ZNF131: variants seen among roughly 807,000 people sequenced by gnomAD.
ZNF131 encodes zinc finger and BTB domain containing 35, also known as zinc finger protein 131.
Under a neutral mutation model 60.0 loss-of-function variants are expected in ZNF131, and 7 were observed. The ratio of observed to expected loss-of-function variants is 0.12; its 90% CI spans 0.07 to 0.22. ZNF131 has a LOEUF of 0.22. Among genes scored for constraint, ZNF131 ranks in the 10% least tolerant of loss-of-function variants. The probability of loss-of-function intolerance (pLI) is 1.00; values close to 1 mark genes in which losing one functional copy is unlikely to be tolerated. For synonymous variants in ZNF131, 257 were observed against 253.2 expected, an observed-to-expected ratio of 1.01 and a Z score of -0.14; for missense variants, 493 against 740.9, an observed-to-expected ratio of 0.67 and a Z score of 3.88.
intron 3 of ZNF131, among the ~76,000 whole-genome samples, chr5:43,138,375 T>C (rs1054747635): frequency 1.3e-5 from 2 of 152,046 alleles, no homozygotes; most frequent in South Asian, 2.1e-4. Context: ...CAAGTCAGGC[T>C]GGGTGCGGTG....
chr5:43,171,427 C>G (rs1192390663), intron 5 of ZNF131, among the ~76,000 whole-genome samples: 3 of 152,078 alleles, frequency 2.0e-5, no homozygotes, highest in Admixed American at 2.0e-4. Flanking sequence ...TTAAAGAATC[C>G]TGTTATTGGC....
intron 4 of ZNF131, among the ~76,000 whole-genome samples, chr5:43,144,098 A>AT (rs1747244593): frequency 6.7e-6 from 1 of 148,830 alleles, no homozygotes; most frequent in Non-Finnish European, 1.5e-5. Context: ...AATATTTTGT[A>AT]TTTTTAGTAG....
intron 4 of ZNF131, among the ~76,000 whole-genome samples, chr5:43,141,316 G>A (rs1470152948): frequency 1.3e-5 from 2 of 152,090 alleles, no homozygotes; most frequent in African/African-American, 4.8e-5. Context: ...AACCTGATCA[G>A]GCCATCTCTT....
intron 4 of ZNF131, among the ~76,000 whole-genome samples, chr5:43,148,549 CTG>C (rs1747908432): frequency 6.6e-6 from 1 of 152,166 alleles, no homozygotes; most frequent in South Asian, 2.1e-4. Flanking sequence ...CATATAGTCT[CTG>C]TTGCAATTAC....
At chr5:43,139,069 C>T in intron 3 of ZNF131, 96 bp from the exon 4 acceptor site, 1 of 1,077,856 alleles carries the variant, frequency 9.3e-7, no homozygotes, top group Non-Finnish European at 1.2e-6. Flanking sequence ...AATAAATACT[C>T]AACAAGCTCC....
rs540535531 is a variant in ZNF131 at position 43,165,333 on chromosome 5, T to C, written c.1054+3402T>C. On this transcript the variant is annotated intron_variant, in intron 5 of 6. Transcript: ENST00000682664. ...CTTTGGCTTGCAGATGGCTAACCTG[T>C]GTCCTTACATGGTTTTATCCTCTTT... Among the ~76,000 whole-genome samples, 16 of 140,914 alleles carry C rather than the reference T, an allele frequency of 1.1e-4. No individual in the cohort carries two copies. The East Asian group carries it at 3.5e-3, about 31-fold the overall frequency. 92.4% of individuals were successfully genotyped at this position (140,914 alleles called of 152,430 possible).
At chr5:43,137,780 A>G (rs923562118) in intron 3 of ZNF131, among the ~76,000 whole-genome samples, 9 of 152,334 alleles carry the variant, frequency 5.9e-5, no homozygotes, top group South Asian at 4.1e-4. Context: ...TAGCACTCCT[A>G]TGTTCATTGC....
chr5:43,144,253 T>C (rs1308876097), intron 4 of ZNF131, among the ~76,000 whole-genome samples: 8 of 127,754 alleles, frequency 6.3e-5, no homozygotes, highest in Admixed American at 4.7e-4. Context: ...TTTTTTTTTT[T>C]TTTTTTTTTT....
chr5:43,133,929 T>C (rs756393751), intron 3 of ZNF131, among the ~76,000 whole-genome samples: 2 of 152,076 alleles, frequency 1.3e-5, no homozygotes, highest in African/African-American at 4.8e-5. Context: ...ACCAGATGGG[T>C]TCATTGATTA....
chr5:43,124,263 C>T (rs1426026532), intron 3 of ZNF131: 1 of 152,190 alleles, frequency 6.6e-6, no homozygotes. Context: ...AACTCCTCCC[C>T]TACCACCAGC....
chr5:43,152,456 A>G (rs1425579604), intron 4 of ZNF131, among the ~76,000 whole-genome samples: 1 of 152,176 alleles, frequency 6.6e-6, no homozygotes, highest in Non-Finnish European at 1.5e-5. Flanking sequence ...TTTAGAAGAT[A>G]TGTTGGTAAA....
At position 43,152,150 on chromosome 5, in the gene ZNF131, G is replaced by T. The variant is rs1748398668; in HGVS notation, c.372-9099G>T. Among the ~76,000 whole-genome samples, 4 of 152,056 alleles carry T rather than the reference G, an allele frequency of 2.6e-5. No homozygotes were observed. In the South Asian group the frequency reaches 8.3e-4, roughly 32 times the overall value. On this transcript the variant is annotated intron_variant, in intron 4 of 6. Transcript: ENST00000682664. ...CCCCGGTAGCTGGGACTACAGGCAC[G>T]TGCCACTAGGTTGAGCTAACTTTTG...
At position 43,172,184 on chromosome 5, in the gene ZNF131, C is replaced by T. The variant is rs116250149; in HGVS notation, c.1055-1134C>T. On this transcript the variant is annotated intron_variant, in intron 5 of 6. Coordinates refer to ENST00000682664, the MANE Select transcript of ZNF131 (RefSeq NM_001330707.2). ...AGTCATTTCCTTGTTTTCTTTACTTCTACTTCTGGCTGTTTCATTTCCTTC... is the reference window on the plus strand; with the variant it reads ...AGTCATTTCCTTGTTTTCTTTACTTTTACTTCTGGCTGTTTCATTTCCTTC... 2.0e-3 allele frequency among the ~76,000 whole-genome samples: 303 copies of T among 152,362 alleles called. 1 individual carries two copies. Among genetic ancestry groups the T allele is most frequent in the African/African-American group, 6.9e-3 (286 of 41,588 alleles).
intron 2 of ZNF131, 30 bp from the exon 3 acceptor site, chr5:43,123,179 G>A (rs1744092834): frequency 6.5e-7 from 1 of 1,547,100 alleles, no homozygotes; most frequent in East Asian, 2.3e-5. Context: ...GCTTGTGTAT[G>A]ATTTTCTTTT....
At chr5:43,127,969 C>T (rs998886830) in intron 3 of ZNF131, among the ~76,000 whole-genome samples, 1 of 152,202 alleles carries the variant, frequency 6.6e-6, no homozygotes, top group East Asian at 1.9e-4. Context: ...CTATCAAGAA[C>T]AAAACATCCT....
At chr5:43,141,278 C>T (rs1294941362) in intron 4 of ZNF131, among the ~76,000 whole-genome samples, 1 of 152,058 alleles carries the variant, frequency 6.6e-6, no homozygotes, top group Non-Finnish European at 1.5e-5. Context: ...GCATGGATGT[C>T]AAAATAGAGA....
rs150362049 is a variant in ZNF131 at position 43,160,248 on chromosome 5, A to T, written c.372-1001A>T. Among the ~76,000 whole-genome samples the T allele has an allele frequency of 1.8e-3, 268 of 152,100 alleles. 1 individual carries two copies. Among genetic ancestry groups the T allele is most frequent in the Non-Finnish European group, 3.0e-3 (206 of 67,982 alleles). On this transcript the variant is annotated intron_variant, in intron 4 of 6. Coordinates refer to ENST00000682664, the MANE Select transcript of ZNF131 (RefSeq NM_001330707.2). ...CTGGGCACAGTAGCTCATGTCTGTA[A>T]TCCTAGTACTCTGGGAGGCCGAGGC... is the stretch of plus-strand genomic sequence containing the variant.
In ZNF131 at chr5:43,130,263, C is replaced by CAAAAAAAAA. The variant is rs765959932; in HGVS notation, c.226+6953_226+6954insAAAAAAAAA. The stretch of plus-strand genomic sequence containing the variant: ...TGAGCGATAGAGTAAGACTCTGTCT[C>CAAAAAAAAA]CAAAAAAAAAAAAAAAAAAGAGGAA... On this transcript the variant is annotated intron_variant, in intron 3 of 6. Coordinates refer to ENST00000682664, the MANE Select transcript of ZNF131 (RefSeq NM_001330707.2). Among the ~76,000 whole-genome samples, 128 of 33,096 alleles carry CAAAAAAAAA rather than the reference C, an allele frequency of 3.9e-3. 2 individuals are homozygous for CAAAAAAAAA. The highest frequency in any genetic ancestry group is 0.015 in the South Asian group (6 of 390). The allele number at this position is 33,096 out of a possible 152,430, so 21.7% of individuals were successfully genotyped here.
chr5:43,121,563 C>G (rs571708289), intron 1 of ZNF131: 5 of 152,948 alleles, frequency 3.3e-5, no homozygotes, highest in African/African-American at 1.2e-4. Flanking sequence ...GCTCCTCCTT[C>G]CCTCAGTGAG....
Sources: allele counts gnomAD v4.1 joint callset (sites outside exome capture counted in the v4.1 genomes callset), GRCh38; gene constraint gnomAD v4.1.1; transcripts MANE v1.5; gene names NCBI Gene and HGNC (gene_info 2026-07-23, HGNC 2026-07-21).